PPP1R3B: variants seen among roughly 807,000 people sequenced by gnomAD.
PPP1R3B encodes the protein protein phosphatase 1 regulatory subunit 3B.
A neutral mutation model predicts 14.6 loss-of-function variants in PPP1R3B; 8 were observed. The ratio of observed to expected loss-of-function variants is 0.55; its 90% CI spans 0.32 to 0.99. The LOEUF (loss-of-function observed/expected upper bound fraction) is 0.99. PPP1R3B is among the 50% of genes least tolerant of loss of function. The probability of loss-of-function intolerance (pLI) is 0.04; values close to 1 mark genes in which losing one functional copy is unlikely to be tolerated. For missense variants in PPP1R3B, 452 were observed against 360.1 expected, an observed-to-expected ratio of 1.26 and a Z score of -2.07; for synonymous variants, 169 against 142.0, an observed-to-expected ratio of 1.19 and a Z score of -1.35.
intron 1 of PPP1R3B, among the ~76,000 whole-genome samples, chr8:9,149,208 A>AAAAAAAAAAAAAAT (rs1280289297): frequency 7.3e-6 from 1 of 136,594 alleles, no homozygotes; most frequent in African/African-American, 2.8e-5. Context: ...AAAAAAAAAA[A>AAAAAAAAAAAAAAT]GGCAAAAAAA....
In PPP1R3B at chr8:9,141,048, T is replaced by C. The variant is rs772026197; in HGVS notation, c.604A>G (p.Ile202Val). The change falls in exon 2 of 2, where the codon ATT (isoleucine) becomes GTT (valine). Residue 202 changes from isoleucine to valine, a missense_variant. By Grantham distance (29) the Ile-to-Val change is conservative. Transcript: ENST00000310455. ...FSFDISLPEK[I>V]QSYERMEFAV... ...AACTCCATTCTTTCATAAGACTGAATCTTCTCGGGCAAGCTGATGTCGAAG... is the reference window on the plus strand; with the variant it reads ...AACTCCATTCTTTCATAAGACTGAACCTTCTCGGGCAAGCTGATGTCGAAG... 6.2e-7 allele frequency: 1 copy of C among 1,614,144 alleles called. No homozygotes were observed. The highest frequency in any genetic ancestry group is 1.7e-5 in the Admixed American group (1 of 60,020).
intron 1 of PPP1R3B, among the ~76,000 whole-genome samples, chr8:9,142,540 C>T (rs185422278): frequency 1.3e-5 from 2 of 152,268 alleles, no homozygotes; most frequent in African/African-American, 4.8e-5. Flanking sequence ...AAAATCCACT[C>T]TCAGCAATTT....
chr8:9,148,033 C>T (rs1801293244), intron 1 of PPP1R3B, among the ~76,000 whole-genome samples: 1 of 152,126 alleles, frequency 6.6e-6, no homozygotes, highest in Non-Finnish European at 1.5e-5. Context: ...GCCTGTCCCA[C>T]AGATAGCTTC....
At chr8:9,149,234 C>T (rs1801338953) in intron 1 of PPP1R3B, among the ~76,000 whole-genome samples, 1 of 146,780 alleles carries the variant, frequency 6.8e-6, no homozygotes, top group Non-Finnish European at 1.5e-5. Flanking sequence ...GGCGTGGTGG[C>T]TCACGCCTGT....
upstream of PPP1R3B, chr8:9,150,661 G>C (rs1474373142): frequency 6.6e-6 from 1 of 152,430 alleles, no homozygotes; most frequent in Non-Finnish European, 1.5e-5. Context: ...CGGTGTGTCC[G>C]GGAGGCAGGG....
Position 9,140,345 on chromosome 8 carries a change from A to C in PPP1R3B, c.*449T>G. The C allele has an allele frequency of 5.4e-6, 1 of 186,848 alleles. No individual in the cohort carries two copies. Among genetic ancestry groups the C allele is most frequent in the Non-Finnish European group, 1.2e-5 (1 of 86,744 alleles). The allele number at this position is 186,848 out of a possible 1,614,324, so 11.6% of individuals were successfully genotyped here. A position where few individuals can be genotyped will look rare whatever the true frequency, so the allele number is the denominator to read the frequency against. ...GGGGAAGCACAGCAGCTTGCAGGAA[A>C]GGCCTGGCTGGCAGAGAGCACCCAA... On this transcript the variant is annotated 3_prime_UTR_variant, in exon 2 of 2. Transcript: ENST00000310455.
chr8:9,143,232 CT>C (rs1441598596), intron 1 of PPP1R3B, among the ~76,000 whole-genome samples: 3 of 152,142 alleles, frequency 2.0e-5, no homozygotes, highest in African/African-American at 7.2e-5. Context: ...CTCATTGTGG[CT>C]TTATATTTGC....
rs779843476 is a variant in PPP1R3B, at chr8:9,140,814, T to A, written c.838A>T (p.Lys280Ter). 1.2e-6 allele frequency: 2 copies of A among 1,614,068 alleles called. No individual in the cohort carries two copies. Among genetic ancestry groups the A allele is most frequent in the Non-Finnish European group, 8.5e-7 (1 of 1,180,012 alleles). The change falls in exon 2 of 2, where the codon AAG (lysine) becomes TAG (stop). Residue 280 changes from lysine (K) to a stop codon, truncating the protein, a stop_gained. Transcript: ENST00000310455. LOFTEE classifies it high-confidence loss of function. ...PEWPSYLGYE[K>*]LGPYY ...AGTCACTAGTAGTAGGGCCCTAGCTTTTCATATCCTAAGTAACTTGGCCAC... is the reference window on the plus strand; with the variant it reads ...AGTCACTAGTAGTAGGGCCCTAGCTATTCATATCCTAAGTAACTTGGCCAC...
At chr8:9,149,147 G>A (rs1036375310) in intron 1 of PPP1R3B, among the ~76,000 whole-genome samples, 5 of 138,862 alleles carry the variant, frequency 3.6e-5, no homozygotes, top group Non-Finnish European at 6.2e-5. Flanking sequence ...GAGCCGAGAT[G>A]GCGCCACTGC....
Position 9,138,165 on chromosome 8 carries a change from C to T in PPP1R3B, c.*2629G>A, listed in dbSNP as rs1015278080. The T allele has an allele frequency of 3.9e-5, 6 of 152,274 alleles. No homozygotes were observed. The highest frequency in any genetic ancestry group is 1.4e-4 in the African/African-American group (6 of 41,550). The allele number at this position is 152,274 out of a possible 1,614,324, so 9.4% of individuals were successfully genotyped here. A position where few individuals can be genotyped will look rare whatever the true frequency, so the allele number is the denominator to read the frequency against. On this transcript the variant is annotated 3_prime_UTR_variant, in exon 2 of 2. Coordinates refer to ENST00000310455, the MANE Select transcript of PPP1R3B (RefSeq NM_024607.4). ...GTAAAATTCAGGACCTGCATGAAAT[C>T]AGTTTTGCTTCCATTTGAGTTCGAT...
chr8:9,145,776 C>T (rs1801223450), intron 1 of PPP1R3B, among the ~76,000 whole-genome samples: 2 of 152,166 alleles, frequency 1.3e-5, no homozygotes, highest in Non-Finnish European at 2.9e-5. Flanking sequence ...AATAATATTG[C>T]TTCTATCATC....
chr8:9,140,717 C>T lies in PPP1R3B; in HGVS notation c.*77G>A. ...GAAGTTCCACGTTGCTCCTCCCTGG[C>T]CTTCCATCTCCACTGCACAGTGAGC... On this transcript the variant is annotated 3_prime_UTR_variant, in exon 2 of 2. Transcript: ENST00000310455. 6.8e-7 allele frequency: 1 copy of T among 1,479,144 alleles called. No individual in the cohort carries two copies. Among genetic ancestry groups the T allele is most frequent in the East Asian group, 2.3e-5 (1 of 43,694 alleles). The allele number at this position is 1,479,144 out of a possible 1,614,324, so 91.6% of individuals were successfully genotyped here.
intron 1 of PPP1R3B, among the ~76,000 whole-genome samples, chr8:9,149,465 C>T (rs955530495): frequency 6.6e-6 from 1 of 152,208 alleles, no homozygotes; most frequent in Admixed American, 6.5e-5. Flanking sequence ...GATGGCGCCA[C>T]TGCACTCCAG....
upstream of PPP1R3B, among the ~76,000 whole-genome samples, chr8:9,151,160 C>A (rs1000218737): frequency 6.6e-6 from 1 of 152,286 alleles, no homozygotes; most frequent in South Asian, 2.1e-4. Flanking sequence ...GTCCCTGGAT[C>A]GCCCTCTCCA....
chr8:9,143,566 G>C (rs533029578), intron 1 of PPP1R3B, among the ~76,000 whole-genome samples: 1 of 152,134 alleles, frequency 6.6e-6, no homozygotes, highest in African/African-American at 2.4e-5. Context: ...GCTGGGCATG[G>C]TGGCATGCAC....
In PPP1R3B at chr8:9,150,634, C is replaced by G. The variant is rs59978283; in HGVS notation, c.-89G>C. 0.043 allele frequency: 6,612 copies of G among 152,458 alleles called. 463 individuals are homozygous for G. The highest frequency in any genetic ancestry group is 0.15 in the African/African-American group (6,267 of 41,552). 9.4% of individuals were successfully genotyped at this position (152,458 alleles called of 1,614,324 possible). On this transcript the variant is annotated 5_prime_UTR_variant, in exon 1 of 2. Coordinates refer to ENST00000310455, the MANE Select transcript of PPP1R3B (RefSeq NM_024607.4). ...GGAGAGCCCGCAGGGTTGTGGCAAG[C>G]GCGACTACGTGAGCGTCGGTGTGTC...
chr8:9,148,136 C>T (rs183224913), intron 1 of PPP1R3B, among the ~76,000 whole-genome samples: 4 of 152,292 alleles, frequency 2.6e-5, no homozygotes, highest in African/African-American at 7.2e-5. Flanking sequence ...AACTCCCCAG[C>T]GGACTGTGAC....
Position 9,136,815 on chromosome 8 carries a change from G to A in PPP1R3B, c.*3979C>T, listed in dbSNP as rs540033613. 6.6e-6 allele frequency: 1 copy of A among 152,314 alleles called. No individual in the cohort carries two copies. The highest frequency in any genetic ancestry group is 2.1e-4 in the South Asian group (1 of 4,826). 9.4% of individuals were successfully genotyped at this position (152,314 alleles called of 1,614,324 possible). A position where few individuals can be genotyped will look rare whatever the true frequency, so the allele number is the denominator to read the frequency against. ...TACATTCAGGTGAGAAATTTTAGAAGAGGAAACAAATAAAAGGCAACCAAG... is the reference window on the plus strand; with the variant it reads ...TACATTCAGGTGAGAAATTTTAGAAAAGGAAACAAATAAAAGGCAACCAAG... On this transcript the variant is annotated 3_prime_UTR_variant, in exon 2 of 2. Coordinates refer to ENST00000310455, the MANE Select transcript of PPP1R3B (RefSeq NM_024607.4).
At chr8:9,148,275 C>A (rs1468216976) in intron 1 of PPP1R3B, among the ~76,000 whole-genome samples, 1 of 152,198 alleles carries the variant, frequency 6.6e-6, no homozygotes, top group Non-Finnish European at 1.5e-5. Flanking sequence ...TCGGTTCCAA[C>A]ACAGGAAGCA....
Sources: allele counts gnomAD v4.1 joint callset (sites outside exome capture counted in the v4.1 genomes callset), GRCh38; gene constraint gnomAD v4.1.1; transcripts MANE v1.5; gene names NCBI Gene and HGNC (gene_info 2026-07-23, HGNC 2026-07-21).